CD8A: variants seen among roughly 807,000 people sequenced by gnomAD.
CD8A encodes CD8 subunit alpha.
CD8A carries 25 observed loss-of-function variants against 24.2 expected under a neutral mutation model. The observed-to-expected ratio is 1.03, with a 90% CI of 0.75 to 1.44. The LOEUF (loss-of-function observed/expected upper bound fraction) is 1.44. Among genes scored for constraint, CD8A ranks in the 40% most tolerant of loss-of-function variants. CD8A has a pLI of 0.00. For synonymous variants in CD8A, 165 were observed against 149.9 expected (o/e 1.10, Z -0.74); for missense variants, 360 against 319.7 (o/e 1.13, Z -0.96).
intron 2 of CD8A, among the ~76,000 whole-genome samples, chr2:86,807,000 ATGTTTT>A (rs779455957): frequency 2.6e-5 from 4 of 152,078 alleles, no homozygotes; most frequent in African/African-American, 7.2e-5. Flanking sequence ...TTGCCCCATG[ATGTTTT>A]TGTTTTTGTT....
Position 86,785,850 on chromosome 2 carries a change from A to T in CD8A, c.*70T>A, listed in dbSNP as rs1230342712. The T allele has an allele frequency of 9.0e-7, 1 of 1,111,034 alleles. No individual in the cohort carries two copies. Among genetic ancestry groups the T allele is most frequent in the Non-Finnish European group, 1.4e-6 (1 of 720,198 alleles). The allele number at this position is 1,111,034 out of a possible 1,614,324, so 68.8% of individuals were successfully genotyped here. On this transcript the variant is annotated 3_prime_UTR_variant, in exon 6 of 6. Coordinates refer to ENST00000283635, the MANE Select transcript of CD8A (RefSeq NM_001768.7). Reference sequence around the variant, plus strand: ...ACAGGGAGGAAGACTGGAAAAAATGAAAGGGAAGGACTTGCTCCCTCAAAA... The same window carrying T: ...ACAGGGAGGAAGACTGGAAAAAATGTAAGGGAAGGACTTGCTCCCTCAAAA...
At chr2:86,786,422 C>G (rs906372521) in intron 5 of CD8A, among the ~76,000 whole-genome samples, 1 of 152,178 alleles carries the variant, frequency 6.6e-6, no homozygotes, top group Non-Finnish European at 1.5e-5. Context: ...AATGATGTTA[C>G]GCTAAAAACG....
chr2:86,792,083 G>A (rs36226881), upstream of CD8A, among the ~76,000 whole-genome samples: 14,686 of 152,170 alleles, frequency 0.097, 2,202 homozygotes, highest in African/African-American at 0.32. Context: ...GTTTTGCTCA[G>A]GCTGGCCTTG....
At chr2:86,806,003 G>A (rs764961752) in intron 2 of CD8A, among the ~76,000 whole-genome samples, 1 of 151,460 alleles carries the variant, frequency 6.6e-6, no homozygotes, top group Admixed American at 6.6e-5. Flanking sequence ...GTGACAATTT[G>A]TTATCTTAAA....
Position 86,800,859 on chromosome 2 carries a change from G to A in CD8A, c.-271+652C>T, listed in dbSNP as rs79333941. 9.2e-3 allele frequency among the ~76,000 whole-genome samples: 1,397 copies of A among 152,304 alleles called. 93 individuals are homozygous for A. In the East Asian group the frequency reaches 0.18, roughly 20 times the overall value. ...GAATGTGACCTTATTTGGAGACAAG[G>A]TCCTTACAGAGGTAATCAAGTTCAA... On this transcript the variant is annotated intron_variant, in intron 3 of 8. Transcript: ENST00000409511.
chr2:86,789,189 G>A, intron 4 of CD8A, 134 bp downstream of exon 4: 1 of 730,420 alleles, frequency 1.4e-6, no homozygotes. Context: ...AGAAGTGCCT[G>A]TACCTGCGGG....
At chr2:86,792,315 T>C (rs1673336434), upstream of CD8A, among the ~76,000 whole-genome samples, 1 of 152,146 alleles carries the variant, frequency 6.6e-6, no homozygotes, top group Non-Finnish European at 1.5e-5. Flanking sequence ...CACCTGGCAT[T>C]CTGTGTTCCA....
At chr2:86,802,011 T>A (rs1673689331) in intron 2 of CD8A, among the ~76,000 whole-genome samples, 1 of 152,110 alleles carries the variant, frequency 6.6e-6, no homozygotes, top group South Asian at 2.1e-4. Flanking sequence ...CTTCACCCAG[T>A]TTCCCCTAAC....
upstream of CD8A, among the ~76,000 whole-genome samples, chr2:86,792,465 T>C (rs965108071): frequency 1.3e-5 from 2 of 152,278 alleles, no homozygotes; most frequent in South Asian, 4.1e-4. Context: ...AAGTACAAAC[T>C]TAAGTGTTGG....
chr2:86,788,380 C>A lies in CD8A; in HGVS notation c.656+150G>T. On this transcript the variant is annotated intron_variant, in intron 5 of 5. Transcript: ENST00000283635. ...AGGCCAGATGCCAGCCTTGGCCTCTCTTTGCTCAGGAACTGGCTGACTCCC... is the reference window on the plus strand; with the variant it reads ...AGGCCAGATGCCAGCCTTGGCCTCTATTTGCTCAGGAACTGGCTGACTCCC... 3 of 719,696 alleles carry A rather than the reference C, an allele frequency of 4.2e-6. No individual in the cohort carries two copies. The South Asian group carries it at 4.6e-5, about 11-fold the overall frequency. 44.6% of individuals were successfully genotyped at this position (719,696 alleles called of 1,614,324 possible).
At position 86,790,839 on chromosome 2, in the gene CD8A, G is replaced by A; in HGVS notation, c.-14C>T. 1 of 1,539,560 alleles carries A rather than the reference G, an allele frequency of 6.5e-7. No individual in the cohort carries two copies. Among genetic ancestry groups the A allele is most frequent in the Non-Finnish European group, 8.7e-7 (1 of 1,146,884 alleles). On this transcript the variant is annotated 5_prime_UTR_variant, in exon 1 of 6. Transcript: ENST00000283635. ...TGGTAAGGCCATGACGCGCTCCCCA[G>A]GACGCTGCTTGGCTCGAAGCTCGGG...
At chr2:86,805,951 CTTTTT>C (rs1429546330) in intron 2 of CD8A, among the ~76,000 whole-genome samples, 2 of 151,842 alleles carry the variant, frequency 1.3e-5, no homozygotes, top group Non-Finnish European at 2.9e-5. Context: ...CTTTCTTTTT[CTTTTT>C]CTCTTGTTGT....
At chr2:86,800,291 C>T (rs1312334273) in intron 3 of CD8A, among the ~76,000 whole-genome samples, 1 of 151,726 alleles carries the variant, frequency 6.6e-6, no homozygotes, top group African/African-American at 2.4e-5. Context: ...AACCCCGTCT[C>T]TACTAAAAAT....
chr2:86,788,386 TCAGGAACTGGCTGACTCCCTGCCC>T, intron 5 of CD8A, 120 bp downstream of exon 5: 1 of 732,766 alleles, frequency 1.4e-6, no homozygotes. Flanking sequence ...CTCTCTTTGC[TCAGGAACTGGCTGACTCCCTGCCC>T]CAGGATTTCA....
At chr2:86,790,981 C>G (rs758849884), upstream of CD8A, 11 of 788,612 alleles carry the variant, frequency 1.4e-5, no homozygotes, top group South Asian at 1.6e-4. Flanking sequence ...AAGCCCCCGC[C>G]GAGGAGAGTC....
chr2:86,804,569 T>G (rs1341168623), intron 2 of CD8A, among the ~76,000 whole-genome samples: 1 of 152,128 alleles, frequency 6.6e-6, no homozygotes, highest in Admixed American at 6.5e-5. Context: ...AATGTTAAAA[T>G]GGTAAGATTG....
intron 5 of CD8A, among the ~76,000 whole-genome samples, chr2:86,788,195 A>G (rs1320019478): frequency 6.6e-6 from 1 of 150,784 alleles, no homozygotes; most frequent in Non-Finnish European, 1.5e-5. Flanking sequence ...CAGAATAAAG[A>G]GGAGGTCAGG....
Position 86,790,467 on chromosome 2 carries a change from C to T in CD8A, c.264G>A (p.Arg88=). The change falls in exon 2 of 6, where the codon CGG becomes CGA. Residue 88 remains arginine (R), a synonymous_variant. Transcript: ENST00000283635. ...PKAAEGLDTQ[R]FSGKRLGDTF... is the part of the protein sequence containing the mutation. ...TGTCCCCCAACCTCTTGCCCGAGAA[C>T]CGCTGGGTGTCCAGCCCCTCGGCCG... is the stretch of plus-strand genomic sequence containing the variant. 1.2e-6 allele frequency: 2 copies of T among 1,614,166 alleles called. No homozygotes were observed. The highest frequency in any genetic ancestry group is 8.5e-7 in the Non-Finnish European group (1 of 1,180,026).
At chr2:86,787,068 A>C (rs1431309281) in intron 5 of CD8A, among the ~76,000 whole-genome samples, 20 of 126,268 alleles carry the variant, frequency 1.6e-4, no homozygotes, top group Non-Finnish European at 3.1e-4. Flanking sequence ...AAAGCTAAAA[A>C]CTTCCCCCCC....
Sources: allele counts gnomAD v4.1 joint callset (sites outside exome capture counted in the v4.1 genomes callset), GRCh38; gene constraint gnomAD v4.1.1; transcripts MANE v1.5; gene names NCBI Gene and HGNC (gene_info 2026-07-23, HGNC 2026-07-21).